Variants in RPS6KA2 observed in about 807,000 individuals in gnomAD.
RPS6KA2 encodes the protein ribosomal protein S6 kinase A2, also known as ribosomal protein S6 kinase alpha-2.
RPS6KA2 carries 42 observed loss-of-function variants against 91.8 expected under a neutral mutation model. The observed-to-expected ratio is 0.46, with a 90% CI of 0.36 to 0.59. The LOEUF (loss-of-function observed/expected upper bound fraction) is 0.59. Among genes scored for constraint, RPS6KA2 ranks in the 20% least tolerant of loss-of-function variants. The probability of loss-of-function intolerance (pLI) is 0.00; values close to 1 mark genes in which losing one functional copy is unlikely to be tolerated. For synonymous variants in RPS6KA2, 414 were observed against 393.6 expected, an observed-to-expected ratio of 1.05 and a Z score of -0.61; for missense variants, 798 against 978.5, an observed-to-expected ratio of 0.82 and a Z score of 2.46.
At chr6:166,469,091 C>T (rs1023944797) in intron 11 of RPS6KA2, among the ~76,000 whole-genome samples, 1 of 152,178 alleles carries the variant, frequency 6.6e-6, no homozygotes, top group Non-Finnish European at 1.5e-5. Context: ...GAACAGCCTC[C>T]GAGTTTTAGC....
intron 2 of RPS6KA2, among the ~76,000 whole-genome samples, chr6:166,750,273 T>TG (rs113598528): frequency 3.3e-5 from 5 of 152,200 alleles, no homozygotes; most frequent in Non-Finnish European, 5.9e-5. Flanking sequence ...GCTTCTCCCC[T>TG]GGGGGGGTGC....
At chr6:166,809,328 T>G (rs966586046) in intron 2 of RPS6KA2, among the ~76,000 whole-genome samples, 1 of 152,156 alleles carries the variant, frequency 6.6e-6, no homozygotes, top group African/African-American at 2.4e-5. Flanking sequence ...AATATCTCCC[T>G]ACAAAATAAT....
intron 2 of RPS6KA2, among the ~76,000 whole-genome samples, chr6:166,713,045 G>A (rs926906187): frequency 2.0e-5 from 3 of 152,214 alleles, no homozygotes; most frequent in South Asian, 4.1e-4. Context: ...GAAATGACAC[G>A]TCTGTCCCTG....
rs192957628 is a variant in RPS6KA2 at position 166,481,121 on chromosome 6, T to A, written c.907+7712A>T. Among the ~76,000 whole-genome samples the A allele has an allele frequency of 6.8e-3, 1,039 of 152,356 alleles. 10 individuals carry two copies. The highest frequency in any genetic ancestry group is 0.044 in the South Asian group (212 of 4,828). On this transcript the variant is annotated intron_variant, in intron 10 of 20. Coordinates refer to ENST00000265678, the MANE Select transcript of RPS6KA2 (RefSeq NM_021135.6). ...AATTCTCTGCAGGAAAAGAGAATAATTATACATTCATTCCATATTAAAGTA... is the reference window on the plus strand; with the variant it reads ...AATTCTCTGCAGGAAAAGAGAATAAATATACATTCATTCCATATTAAAGTA...
chr6:166,647,437 T>C (rs1787642026), intron 2 of RPS6KA2, among the ~76,000 whole-genome samples: 1 of 152,192 alleles, frequency 6.6e-6, no homozygotes, highest in Non-Finnish European at 1.5e-5. Context: ...CCCCAATCTG[T>C]CTGCACCGCT....
At chr6:166,644,228 G>A (rs1787534502) in intron 2 of RPS6KA2, among the ~76,000 whole-genome samples, 1 of 151,948 alleles carries the variant, frequency 6.6e-6, no homozygotes. Flanking sequence ...TTTTAGATTT[G>A]CTAAGGGCAT....
rs1388141680 is a variant in RPS6KA2, at chr6:166,733,641, C to T, written c.123+124559G>A. Among the ~76,000 whole-genome samples, 5 of 152,114 alleles carry T rather than the reference C, an allele frequency of 3.3e-5. No homozygotes were observed. The highest frequency in any genetic ancestry group is 1.9e-4 in the East Asian group (1 of 5,190). ...TCTTTAGGAAAAAGGTTTGGTAACA[C>T]GGAGGTCACTAGCATCCCTCGTGGA... is the stretch of plus-strand genomic sequence containing the variant. On this transcript the variant is annotated intron_variant, in intron 2 of 21. Coordinates refer to the RPS6KA2 transcript ENST00000503859. This position sits in a 1 kb window ranked among gnomAD's most constrained non-coding sequence, Gnocchi z 4.1.
rs1352056410 is a variant in RPS6KA2 at position 166,515,152 on chromosome 6, A to T, written c.299-4795T>A. 3.3e-5 allele frequency among the ~76,000 whole-genome samples: 5 copies of T among 152,302 alleles called. No individual in the cohort carries two copies. The East Asian group carries it at 5.8e-4, about 18-fold the overall frequency. The stretch of plus-strand genomic sequence containing the variant: ...GAGGATGCACCATGATGTGGTCCAC[A>T]GTGGGAAGACCTGGAGGAGACAGAC... On this transcript the variant is annotated intron_variant, in intron 3 of 20. Coordinates refer to ENST00000265678, the MANE Select transcript of RPS6KA2 (RefSeq NM_021135.6).
chr6:166,833,720 T>G (rs1197487492), intron 2 of RPS6KA2, among the ~76,000 whole-genome samples: 1 of 152,194 alleles, frequency 6.6e-6, no homozygotes, highest in Non-Finnish European at 1.5e-5. Flanking sequence ...TGCAGAGAAG[T>G]GTCCCAAGTT....
intron 2 of RPS6KA2, among the ~76,000 whole-genome samples, chr6:166,824,185 T>C (rs1280283353): frequency 6.6e-6 from 1 of 152,176 alleles, no homozygotes; most frequent in Non-Finnish European, 1.5e-5. Flanking sequence ...CCTGCACATG[T>C]ACCCGAGGTG....
chr6:166,450,734 C>T (rs758315391), intron 13 of RPS6KA2, among the ~76,000 whole-genome samples: 3 of 144,782 alleles, frequency 2.1e-5, no homozygotes, highest in Non-Finnish European at 3.0e-5. Flanking sequence ...ATGGGGACCA[C>T]CACAGGACAC....
rs149297026 is a variant in RPS6KA2, at chr6:166,481,931, T to C, written c.907+6902A>G. On this transcript the variant is annotated intron_variant, in intron 10 of 20. Coordinates refer to ENST00000265678, the MANE Select transcript of RPS6KA2 (RefSeq NM_021135.6). ...TACCTCTCTGATCAATCTTAAAGTA[T>C]GTGCTGCAGAGTGGAGGCCTCTGCT... Among the ~76,000 whole-genome samples the C allele has an allele frequency of 6.6e-5, 10 of 151,614 alleles. 1 individual carries two copies. In the East Asian group the frequency reaches 1.8e-3, roughly 27 times the overall value.
chr6:166,538,871 G>A, intron 1 of RPS6KA2, 87 bp from the exon 2 acceptor site: 1 of 685,108 alleles, frequency 1.5e-6, no homozygotes. Context: ...AGTTTACCAC[G>A]AGCTGGGTCT....
intron 1 of RPS6KA2, among the ~76,000 whole-genome samples, chr6:166,618,285 C>G (rs370407754): frequency 3.9e-5 from 6 of 152,338 alleles, no homozygotes; most frequent in Middle Eastern, 3.4e-3. Flanking sequence ...CCACTATACC[C>G]ACAGTCACAT....
intron 2 of RPS6KA2, among the ~76,000 whole-genome samples, chr6:166,725,598 C>T (rs893114269): frequency 2.0e-5 from 3 of 152,194 alleles, no homozygotes; most frequent in South Asian, 2.1e-4. Context: ...GGAGGTGGGG[C>T]GCACACACGG....
intron 2 of RPS6KA2, among the ~76,000 whole-genome samples, chr6:166,837,193 G>A (rs1562464594): frequency 6.6e-6 from 1 of 152,158 alleles, no homozygotes; most frequent in Admixed American, 6.5e-5. Flanking sequence ...GCAGCCCAAG[G>A]ACCCAGGCCT....
rs935922928 is a variant in RPS6KA2 at position 166,557,269 on chromosome 6, C to T, written c.100-18485G>A. The stretch of plus-strand genomic sequence containing the variant: ...AGGGTAGCTCCTGCCGGGGTGAGGA[C>T]CGTGGGCGCGGAGCATGCTTCCCAA... On this transcript the variant is annotated intron_variant, in intron 1 of 20. Transcript: ENST00000265678. This position sits in a 1 kb window ranked among gnomAD's most constrained non-coding sequence, Gnocchi z 4.8. Among the ~76,000 whole-genome samples the T allele has an allele frequency of 6.6e-6, 1 of 152,222 alleles. No individual in the cohort carries two copies. The highest frequency in any genetic ancestry group is 2.4e-5 in the African/African-American group (1 of 41,458).
chr6:166,440,688 GATT>G (rs1213812756), intron 14 of RPS6KA2, among the ~76,000 whole-genome samples: 1 of 152,184 alleles, frequency 6.6e-6, no homozygotes, highest in African/African-American at 2.4e-5. Context: ...ATCAGCAATC[GATT>G]ATGACTATAT....
At chr6:166,507,656 C>T in intron 5 of RPS6KA2, among the ~76,000 whole-genome samples, 1 of 151,326 alleles carries the variant, frequency 6.6e-6, no homozygotes, top group East Asian at 1.9e-4. Context: ...CACACCAACC[C>T]CACACATGCA....
Sources: allele counts gnomAD v4.1 joint callset (sites outside exome capture counted in the v4.1 genomes callset), GRCh38; gene constraint gnomAD v4.1.1; non-coding constraint Gnocchi (gnomAD v3.1); transcripts MANE v1.5; gene names NCBI Gene and HGNC (gene_info 2026-07-23, HGNC 2026-07-21).